UNK: variants seen among roughly 807,000 people sequenced by gnomAD.
UNK encodes RING finger protein unkempt homolog.
UNK carries 32 observed loss-of-function variants against 97.6 expected under a neutral mutation model. That is an observed-to-expected ratio of 0.33 (90% CI 0.25 to 0.44). The LOEUF is 0.44. Ranked by LOEUF, UNK falls within the 20% of genes least tolerant of loss-of-function variation. The pLI, the probability that UNK is intolerant of heterozygous loss-of-function variation, is 1.00. For missense variants in UNK, 771 were observed against 1,098.4 expected (o/e 0.70, Z 4.21); for synonymous variants, 441 against 461.2 (o/e 0.96, Z 0.56).
At position 75,820,004 on chromosome 17, in the gene UNK, C is replaced by T. The variant is rs1567809592; in HGVS notation, c.1733C>T (p.Ser578Phe). 6.2e-7 allele frequency: 1 copy of T among 1,613,880 alleles called. No individual in the cohort carries two copies. Among genetic ancestry groups the T allele is most frequent in the Admixed American group, 1.7e-5 (1 of 60,016 alleles). ...SSASFHSASP[S>F]PPVSLSSHFL... ...GCCTCCTTCCACTCAGCATCCCCGT[C>T]CCCTCCCGTCAGCCTCTCCTCGCAT... The change falls in exon 13 of 16, where the codon TCC becomes TTC. Residue 578 changes from serine to phenylalanine, a missense_variant. Ser to Phe is a radical substitution (Grantham distance 155). This residue lies in a region of UNK where 91 missense variants were observed against 173.1 expected (regional missense o/e 0.53). Coordinates refer to ENST00000589666, the MANE Select transcript of UNK (RefSeq NM_001080419.3).
Position 75,815,261 on chromosome 17 carries a change from G to A in UNK, c.961+8G>A, listed in dbSNP as rs1367386683. On this transcript the variant is annotated splice_region_variant and intron_variant, in intron 7 of 15. Transcript: ENST00000589666. ...CCTTTGCCCACGTAGAACGTATGCT[G>A]TTCCCATTGCCCCGGGGCAGTGCCC... 3.7e-6 allele frequency: 6 copies of A among 1,610,838 alleles called. No homozygotes were observed. The highest frequency in any genetic ancestry group is 5.1e-6 in the Non-Finnish European group (6 of 1,177,962).
chr17:75,802,341 C>T (rs1013171678), intron 1 of UNK, among the ~76,000 whole-genome samples: 3 of 134,354 alleles, frequency 2.2e-5, no homozygotes, highest in African/African-American at 8.0e-5. Context: ...TCACTGCAAC[C>T]TCAAACTCTT....
At chr17:75,795,481 A>G (rs2061797715) in intron 1 of UNK, among the ~76,000 whole-genome samples, 2 of 152,120 alleles carry the variant, frequency 1.3e-5, no homozygotes, top group South Asian at 4.1e-4. Context: ...CTGAGATTAC[A>G]GGCACGCGCC....
At chr17:75,810,035 AGGCTGGGCAGATTC>A (rs2061954299) in intron 2 of UNK, 66 bp downstream of exon 2, 1 of 1,576,942 alleles carries the variant, frequency 6.3e-7, no homozygotes, top group African/African-American at 1.3e-5. Flanking sequence ...CCCTCAGGGT[AGGCTGGGCAGATTC>A]TGGGAAGCCA....
chr17:75,820,895 T>C (rs1300321390), intron 13 of UNK, among the ~76,000 whole-genome samples: 1 of 152,164 alleles, frequency 6.6e-6, no homozygotes, highest in African/African-American at 2.4e-5. Context: ...TGATTGGGTT[T>C]GGTGGCTTCC....
chr17:75,797,821 T>C (rs2061820494), intron 1 of UNK, among the ~76,000 whole-genome samples: 1 of 152,194 alleles, frequency 6.6e-6, no homozygotes, highest in Non-Finnish European at 1.5e-5. Flanking sequence ...CTTGTCCCTT[T>C]TGTTGGGCTT....
intron 2 of UNK, among the ~76,000 whole-genome samples, chr17:75,810,482 T>A (rs549454753): frequency 4.1e-4 from 61 of 150,226 alleles, no homozygotes; most frequent in African/African-American, 1.5e-3. Flanking sequence ...CATAGGGAGG[T>A]GCCACACCTG....
intron 5 of UNK, among the ~76,000 whole-genome samples, 161 bp downstream of exon 5, chr17:75,813,374 G>A (rs922760949): frequency 2.0e-5 from 3 of 152,200 alleles, no homozygotes; most frequent in Admixed American, 6.5e-5. Context: ...GAGGATAGCT[G>A]GACAGTAGGA....
At chr17:75,820,430 T>G (rs2062056727) in intron 13 of UNK, among the ~76,000 whole-genome samples, 1 of 152,242 alleles carries the variant, frequency 6.6e-6, no homozygotes, top group African/African-American at 2.4e-5. Context: ...TTGCCAGGGC[T>G]GGGCCTGGTC....
intron 14 of UNK, 60 bp from the exon 15 acceptor site, chr17:75,823,205 C>T (rs2062084887): frequency 1.3e-6 from 2 of 1,506,876 alleles, no homozygotes; most frequent in African/African-American, 2.8e-5. Flanking sequence ...AAAGATGATG[C>T]TCTCTGGGGA....
At chr17:75,792,884 G>C (rs2061774440) in intron 1 of UNK, among the ~76,000 whole-genome samples, 1 of 152,240 alleles carries the variant, frequency 6.6e-6, no homozygotes, top group Admixed American at 6.5e-5. Flanking sequence ...ACCATAGAGA[G>C]GGCTTCAAGC....
intron 13 of UNK, chr17:75,821,636 T>C (rs996983379): frequency 4.4e-6 from 2 of 456,586 alleles, no homozygotes; most frequent in Non-Finnish European, 4.4e-6. Flanking sequence ...AATCTGGTTC[T>C]GGAACATCCT....
At chr17:75,809,737 C>T in intron 1 of UNK, 23 bp from the exon 2 acceptor site, 1 of 1,581,698 alleles carries the variant, frequency 6.3e-7, no homozygotes, top group Non-Finnish European at 8.6e-7. Context: ...CCCGGCCTGC[C>T]CCACGCGGGG....
chr17:75,824,224 A>G lies in UNK; in HGVS notation c.2278-38A>G. 6.5e-7 allele frequency: 1 copy of G among 1,546,112 alleles called. No homozygotes were observed. The highest frequency in any genetic ancestry group is 1.2e-5 in the South Asian group (1 of 83,902). On this transcript the variant is annotated intron_variant, in intron 15 of 15. Transcript: ENST00000589666. The surrounding 1 kb of genome is among the most constrained non-coding windows in gnomAD (Gnocchi z 4.9). Reference sequence around the variant, plus strand: ...AACTCCTCGCTCAACTTGGGGCCAGACCCATGGATGGTGACCACGATGCCC... The same window carrying G: ...AACTCCTCGCTCAACTTGGGGCCAGGCCCATGGATGGTGACCACGATGCCC...
In UNK at chr17:75,818,658, T is replaced by C. The variant is rs2062038429; in HGVS notation, c.1388T>C (p.Leu463Pro). Residue 463 changes from leucine (L) to proline (P), a missense_variant, in exon 11 of 16, where the codon CTC (leucine) becomes CCC (proline). Transcript: ENST00000589666. The surrounding 1 kb of genome is among the most constrained non-coding windows in gnomAD (Gnocchi z 5.1). ...LQPKQDMLGI[L>P]PAGSPLTSSI... ...TCGTTGCAGGACATGCTGGGCATCCTCCCCGCAGGCAGCCCCCTGACCTCA... is the reference window on the plus strand; with the variant it reads ...TCGTTGCAGGACATGCTGGGCATCCCCCCCGCAGGCAGCCCCCTGACCTCA... The C allele has an allele frequency of 6.3e-7, 1 of 1,596,746 alleles. No individual in the cohort carries two copies. The highest frequency in any genetic ancestry group is 1.3e-5 in the African/African-American group (1 of 74,176).
chr17:75,809,620 T>C, intron 1 of UNK, 140 bp from the exon 2 acceptor site: 1 of 864,082 alleles, frequency 1.2e-6, no homozygotes, highest in Non-Finnish European at 1.8e-6. Flanking sequence ...GCCTTACAGC[T>C]CTGGGTCTCT....
chr17:75,813,823 A>G lies in UNK; in HGVS notation c.821A>G (p.Asn274Ser). The part of the protein sequence containing the change: ...DEWGDPGKCE[N>S]GDACQYCHTR... ...TGGGGAGACCCTGGCAAGTGTGAGAACGGAGACGCCTGCCAGTACTGCCAC... is the reference window on the plus strand; with the variant it reads ...TGGGGAGACCCTGGCAAGTGTGAGAGCGGAGACGCCTGCCAGTACTGCCAC... Residue 274 changes from asparagine to serine, a missense_variant, in exon 6 of 16, where the codon AAC becomes AGC. Around this residue, in one of 5 missense-constraint regions of UNK, gnomAD observed 246 missense variants for 440.7 expected, o/e 0.56. Transcript: ENST00000589666. 1 of 1,597,800 alleles carries G rather than the reference A, an allele frequency of 6.3e-7. No homozygotes were observed. The highest frequency in any genetic ancestry group is 8.5e-7 in the Non-Finnish European group (1 of 1,173,256).
intron 6 of UNK, 65 bp from the exon 7 acceptor site, chr17:75,815,104 G>GA: frequency 6.8e-7 from 1 of 1,478,846 alleles, no homozygotes; most frequent in South Asian, 1.2e-5. Context: ...CATGCTGGAG[G>GA]AAGGGGAGCC....
At chr17:75,815,388 GT>G in intron 7 of UNK, 135 bp downstream of exon 7, 1 of 756,188 alleles carries the variant, frequency 1.3e-6, no homozygotes, top group East Asian at 2.6e-5. Context: ...AGCAGGCCTT[GT>G]CCCCACTGGA....
Sources: gnomAD v4.1 joint callset for allele counts (sites outside exome capture counted in the v4.1 genomes callset) on GRCh38, gnomAD v4.1.1 for gene constraint, gnomAD v4.1.1 regional missense constraint, Gnocchi (gnomAD v3.1) non-coding constraint, MANE v1.5 for transcripts, NCBI Gene and HGNC (gene_info 2026-07-23, HGNC 2026-07-21) for gene names.